Variants in PAPPA2 observed in about 807,000 individuals in gnomAD.
PAPPA2 encodes the protein pappalysin-2.
Under a neutral mutation model 176.4 loss-of-function variants are expected in PAPPA2, and 86 were observed. The ratio of observed to expected loss-of-function variants is 0.49; its 90% CI spans 0.41 to 0.58. The LOEUF is 0.58. Among genes scored for constraint, PAPPA2 ranks in the 20% least tolerant of loss-of-function variants. The pLI is 0.00. For missense variants in PAPPA2, 2,073 were observed against 2,256.9 expected, an observed-to-expected ratio of 0.92 and a Z score of 1.65; for synonymous variants, 809 against 852.2, an observed-to-expected ratio of 0.95 and a Z score of 0.88.
intron 1 of PAPPA2, among the ~76,000 whole-genome samples, chr1:176,521,792 T>G (rs1649228449): frequency 1.3e-5 from 2 of 152,152 alleles, no homozygotes; most frequent in Admixed American, 1.3e-4. Flanking sequence ...TATACTAGAA[T>G]GCATGAGGAA....
intron 4 of PAPPA2, among the ~76,000 whole-genome samples, chr1:176,679,376 A>G (rs1392238027): frequency 1.3e-5 from 2 of 152,082 alleles, no homozygotes; most frequent in East Asian, 3.9e-4. Flanking sequence ...CAGGTGTCTC[A>G]TCTCAAATAC....
chr1:176,655,161 G>T (rs1252258937), intron 3 of PAPPA2, among the ~76,000 whole-genome samples: 1 of 151,834 alleles, frequency 6.6e-6, no homozygotes, highest in Non-Finnish European at 1.5e-5. Context: ...TTGTTGAAAG[G>T]AATGCTTTCA....
chr1:176,490,509 A>C (rs1191088330), intron 1 of PAPPA2, among the ~76,000 whole-genome samples: 1 of 152,198 alleles, frequency 6.6e-6, no homozygotes, highest in African/African-American at 2.4e-5. Flanking sequence ...ATACAAATGT[A>C]GAATCATAAA....
chr1:176,706,298 G>A, intron 9 of PAPPA2, 61 bp from the exon 10 acceptor site: 1 of 1,426,242 alleles, frequency 7.0e-7, no homozygotes, highest in Non-Finnish European at 9.8e-7. Context: ...TTAAATGATG[G>A]TAGCTAAACA....
rs997106499 is a variant in PAPPA2 at position 176,706,254 on chromosome 1, A to G, written c.3366-105A>G. ...TAGCTCCTACTTTTTTCCAACTTGC[A>G]CTTTTTAATATATACTGAGAAATTG... On this transcript the variant is annotated intron_variant, in intron 9 of 22. Transcript: ENST00000367662. The G allele has an allele frequency of 8.1e-6, 8 of 987,832 alleles. No homozygotes were observed. In the African/African-American group the frequency reaches 8.2e-5, roughly 10 times the overall value. 61.2% of individuals were successfully genotyped at this position (987,832 alleles called of 1,614,324 possible). A position where few individuals can be genotyped will look rare whatever the true frequency, so the allele number is the denominator to read the frequency against.
intron 1 of PAPPA2, chr1:176,553,786 A>C (rs547362459): frequency 2.0e-5 from 3 of 151,942 alleles, no homozygotes; most frequent in Non-Finnish European, 4.4e-5. Context: ...GGGAGGGGGA[A>C]GTTTACTTCT....
rs1662587726 is a variant in PAPPA2 at position 176,739,767 on chromosome 1, T to A, written c.3934+6T>A. On this transcript the variant is annotated splice_donor_region_variant and intron_variant, in intron 13 of 22. Transcript: ENST00000367662. The stretch of plus-strand genomic sequence containing the variant: ...TGGAAGCAACCACTCTCTTGGTGAG[T>A]CTGACAAATATCCCTTTAGGGTCAC... 6.2e-7 allele frequency: 1 copy of A among 1,613,098 alleles called. No homozygotes were observed. Among genetic ancestry groups the A allele is most frequent in the Non-Finnish European group, 8.5e-7 (1 of 1,179,618 alleles).
intron 12 of PAPPA2, among the ~76,000 whole-genome samples, chr1:176,725,941 G>A (rs1205220249): frequency 2.0e-5 from 3 of 152,050 alleles, no homozygotes; most frequent in Non-Finnish European, 4.4e-5. Flanking sequence ...CATCACGCCT[G>A]GCTAATTGTT....
At chr1:176,719,857 C>A (rs1661541264) in intron 12 of PAPPA2, among the ~76,000 whole-genome samples, 1 of 152,146 alleles carries the variant, frequency 6.6e-6, no homozygotes, top group Admixed American at 6.5e-5. Context: ...CACTAGGAGA[C>A]AAAATGGTAA....
intron 2 of PAPPA2, among the ~76,000 whole-genome samples, chr1:176,587,210 C>T (rs240105): frequency 0.86 from 130,550 of 152,080 alleles, 56,482 homozygotes; most frequent in East Asian, 0.98. Context: ...GATGGATAGA[C>T]TGCAAAAATT....
chr1:176,511,418 A>G (rs1648591892), intron 1 of PAPPA2, among the ~76,000 whole-genome samples: 1 of 152,218 alleles, frequency 6.6e-6, no homozygotes, highest in African/African-American at 2.4e-5. Context: ...TGAATATCAT[A>G]CTTAATGGGG....
At chr1:176,570,879 A>G (rs1652285746) in intron 2 of PAPPA2, among the ~76,000 whole-genome samples, 1 of 151,990 alleles carries the variant, frequency 6.6e-6, no homozygotes, top group Non-Finnish European at 1.5e-5. Context: ...TCGTTTTGCC[A>G]TTCCCCGCCC....
intron 1 of PAPPA2, among the ~76,000 whole-genome samples, chr1:176,512,275 A>G (rs1048881114): frequency 6.6e-6 from 1 of 151,762 alleles, no homozygotes; most frequent in African/African-American, 2.4e-5. Flanking sequence ...AATGTGGAGC[A>G]ACTGGAACTT....
intron 16 of PAPPA2, 82 bp downstream of exon 16, chr1:176,769,866 AC>A: frequency 2.2e-6 from 3 of 1,374,746 alleles, no homozygotes; most frequent in Non-Finnish European, 3.0e-6. Context: ...TCTTTTCGTT[AC>A]CCCAACACCT....
chr1:176,816,152 GTATA>G (rs373739173), intron 21 of PAPPA2, among the ~76,000 whole-genome samples: 3,124 of 42,122 alleles, frequency 0.074, 92 homozygotes, highest in Admixed American at 0.12. Flanking sequence ...CTTTCACAGT[GTATA>G]TATATATATA....
intron 21 of PAPPA2, among the ~76,000 whole-genome samples, chr1:176,811,590 A>G (rs1666151443): frequency 1.3e-5 from 2 of 152,116 alleles, no homozygotes; most frequent in African/African-American, 4.8e-5. Context: ...TACAAATCTA[A>G]ATCTAAATAT....
At chr1:176,616,178 T>TTACTCGCTAAC in intron 3 of PAPPA2, 1 of 363,202 alleles carries the variant, frequency 2.8e-6, no homozygotes, top group Non-Finnish European at 5.3e-6. Flanking sequence ...TTCATTAGAC[T>TTACTCGCTAAC]TACTCGCTAA....
chr1:176,802,560 C>G (rs1333243608), intron 21 of PAPPA2, among the ~76,000 whole-genome samples: 2 of 152,162 alleles, frequency 1.3e-5, no homozygotes, highest in African/African-American at 4.8e-5. Context: ...AGAGAGGAAG[C>G]TTTTAAAAGT....
intron 14 of PAPPA2, among the ~76,000 whole-genome samples, chr1:176,749,763 A>G (rs1663082628): frequency 6.6e-6 from 1 of 152,194 alleles, no homozygotes; most frequent in Non-Finnish European, 1.5e-5. Flanking sequence ...TCACATTGTT[A>G]TATGCATTTA....
Sources: gnomAD v4.1 joint callset for allele counts (sites outside exome capture counted in the v4.1 genomes callset) on GRCh38, gnomAD v4.1.1 for gene constraint, MANE v1.5 for transcripts, NCBI Gene and HGNC (gene_info 2026-07-23, HGNC 2026-07-21) for gene names.